NR3C1: variants seen among roughly 807,000 people sequenced by gnomAD.
The protein encoded by NR3C1 is glucocorticoid receptor.
Under a neutral mutation model 74.0 loss-of-function variants are expected in NR3C1, and 14 were observed. The ratio of observed to expected loss-of-function variants is 0.19; its 90% confidence interval spans 0.12 to 0.30. The LOEUF (loss-of-function observed/expected upper bound fraction) is 0.30, where lower values mean the gene tolerates loss of function less well. Ranked by LOEUF, NR3C1 falls within the 10% of genes least tolerant of loss-of-function variation. The pLI is 1.00. For synonymous variants in NR3C1, 308 were observed against 332.5 expected (o/e 0.93, Z 0.80); for missense variants, 695 against 909.8 (o/e 0.76, Z 3.04).
chr5:143,287,418 G>A (rs1173935139), intron 7 of NR3C1, among the ~76,000 whole-genome samples: 1 of 152,012 alleles, frequency 6.6e-6, no homozygotes, highest in African/African-American at 2.4e-5. Flanking sequence ...AGACAACTCA[G>A]ACAAAATGGC....
At chr5:143,313,502 T>C (rs1194003236) in intron 3 of NR3C1, among the ~76,000 whole-genome samples, 2 of 152,158 alleles carry the variant, frequency 1.3e-5, no homozygotes, top group African/African-American at 2.4e-5. Context: ...GGATCAGGTC[T>C]TATTGGTATT....
At chr5:143,283,229 G>T (rs116120446) in intron 7 of NR3C1, among the ~76,000 whole-genome samples, 60 of 152,222 alleles carry the variant, frequency 3.9e-4, no homozygotes, top group African/African-American at 1.4e-3. Context: ...CATTGTTTAT[G>T]TACTCTTACT....
At chr5:143,398,446 AG>A (rs1839652270) in intron 2 of NR3C1, among the ~76,000 whole-genome samples, 1 of 151,602 alleles carries the variant, frequency 6.6e-6, no homozygotes, top group African/African-American at 2.4e-5. Context: ...TAACAAGAAA[AG>A]CTTCTTAAGT....
chr5:143,295,712 T>G (rs1817025929), intron 6 of NR3C1, 122 bp from the exon 7 acceptor site: 2 of 771,812 alleles, frequency 2.6e-6, no homozygotes, highest in Admixed American at 1.9e-5. Context: ...TGCAATAATA[T>G]TATTGCTAAT....
At chr5:143,314,437 T>G (rs1295015291) in intron 2 of NR3C1, among the ~76,000 whole-genome samples, 3 of 151,714 alleles carry the variant, frequency 2.0e-5, no homozygotes, top group African/African-American at 7.3e-5. Flanking sequence ...TTTTTTTTTT[T>G]TAGATGCTTA....
chr5:143,307,929 A>G (rs852977), intron 4 of NR3C1, among the ~76,000 whole-genome samples: 44,032 of 152,100 alleles, frequency 0.29, 6,632 homozygotes, highest in Non-Finnish European at 0.32. Flanking sequence ...GTTAATCTCT[A>G]CAGTTTTTAT....
At chr5:143,396,691 CT>C (rs976612723) in intron 2 of NR3C1, among the ~76,000 whole-genome samples, 4 of 151,662 alleles carry the variant, frequency 2.6e-5, no homozygotes, top group African/African-American at 9.7e-5. Flanking sequence ...CCAATCATCA[CT>C]TAATTTTAGA....
At chr5:143,422,720 G>C (rs1009059987) in intron 1 of NR3C1, among the ~76,000 whole-genome samples, 2 of 152,188 alleles carry the variant, frequency 1.3e-5, no homozygotes, top group Non-Finnish European at 2.9e-5. Context: ...GGACTTCCCA[G>C]TCACTAGAAC....
chr5:143,340,569 G>A (rs1332534271), intron 2 of NR3C1, among the ~76,000 whole-genome samples: 3 of 130,926 alleles, frequency 2.3e-5, no homozygotes, highest in East Asian at 5.2e-4. Flanking sequence ...TGCAACCTCC[G>A]CCTCCTGGGT....
upstream of NR3C1, chr5:143,407,084 TTTGA>T (rs1171752081): frequency 2.6e-5 from 4 of 152,186 alleles, no homozygotes; most frequent in African/African-American, 9.7e-5. Flanking sequence ...TGGGAAGGTA[TTTGA>T]TTGTCTTAGA....
intron 3 of NR3C1, among the ~76,000 whole-genome samples, chr5:143,311,299 T>C (rs1820888442): frequency 3.3e-5 from 5 of 152,110 alleles, no homozygotes; most frequent in Admixed American, 3.3e-4. Flanking sequence ...CTACAGTTAC[T>C]GGAAGAAAAA....
intron 2 of NR3C1, among the ~76,000 whole-genome samples, chr5:143,398,571 A>T (rs889541490): frequency 1.3e-5 from 2 of 152,052 alleles, no homozygotes; most frequent in African/African-American, 4.8e-5. Flanking sequence ...AACATTTAAG[A>T]AAAAACTTCA....
At chr5:143,429,496 G>A (rs1444714852) in intron 1 of NR3C1, among the ~76,000 whole-genome samples, 3 of 152,186 alleles carry the variant, frequency 2.0e-5, no homozygotes, top group Non-Finnish European at 4.4e-5. Flanking sequence ...AAGAATATTA[G>A]GAACTTGGTC....
chr5:143,289,072 CAAAAAAAAA>C, intron 7 of NR3C1, among the ~76,000 whole-genome samples: 1 of 70,584 alleles, frequency 1.4e-5, no homozygotes, highest in East Asian at 4.0e-4. Context: ...GACTCCATCT[CAAAAAAAAA>C]AAAAAAAAAG....
chr5:143,323,877 T>C (rs1230252092), intron 2 of NR3C1, among the ~76,000 whole-genome samples: 1 of 152,184 alleles, frequency 6.6e-6, no homozygotes, highest in East Asian at 1.9e-4. Context: ...CATGCAAGTC[T>C]GAAATCCAGT....
chr5:143,349,673 C>T (rs1829904162), intron 2 of NR3C1, among the ~76,000 whole-genome samples: 1 of 152,180 alleles, frequency 6.6e-6, no homozygotes, highest in Admixed American at 6.6e-5. Flanking sequence ...TCTTCCTGTT[C>T]TCTTTCTCAT....
chr5:143,384,701 G>C (rs934363827), intron 2 of NR3C1, among the ~76,000 whole-genome samples: 1 of 152,206 alleles, frequency 6.6e-6, no homozygotes, highest in Non-Finnish European at 1.5e-5. Context: ...CCAAGGCCTT[G>C]GACAGCTCTG....
intron 4 of NR3C1, among the ~76,000 whole-genome samples, chr5:143,302,446 G>T (rs1312834297): frequency 6.6e-6 from 1 of 151,978 alleles, no homozygotes; most frequent in East Asian, 1.9e-4. Flanking sequence ...ATGTACTTTT[G>T]TTGACAATGT....
intron 7 of NR3C1, among the ~76,000 whole-genome samples, chr5:143,287,114 G>A (rs981009863): frequency 4.0e-5 from 6 of 151,832 alleles, no homozygotes; most frequent in Non-Finnish European, 7.4e-5. Context: ...ACTAACAATG[G>A]AAGCTTCTAC....
Sources: gnomAD v4.1 joint callset for allele counts (sites outside exome capture counted in the v4.1 genomes callset) on GRCh38, gnomAD v4.1.1 for gene constraint, MANE v1.5 for transcripts, NCBI Gene and HGNC (gene_info 2026-07-23, HGNC 2026-07-21) for gene names.